Variants in MYO1F observed in about 807,000 individuals in gnomAD.
MYO1F encodes unconventional myosin-If.
In MYO1F, 60 loss-of-function variants were observed where a neutral mutation model predicts 146.6. The ratio of observed to expected loss-of-function variants is 0.41; its 90% CI spans 0.33 to 0.51. MYO1F has a LOEUF of 0.51. Ranked by LOEUF, MYO1F falls within the 20% of genes least tolerant of loss-of-function variation. MYO1F has a pLI of 0.25. For synonymous variants in MYO1F, 602 were observed against 602.1 expected, an observed-to-expected ratio of 1.00 and a Z score of 0.00; for missense variants, 1,274 against 1,534.3, an observed-to-expected ratio of 0.83 and a Z score of 2.83.
intron 1 of MYO1F, among the ~76,000 whole-genome samples, chr19:8,556,892 A>G (rs1973883553): frequency 8.1e-6 from 1 of 123,756 alleles, no homozygotes; most frequent in African/African-American, 6.0e-5. Flanking sequence ...TGTCTCAAAA[A>G]AAAAAAAAAA....
Position 8,543,735 on chromosome 19 carries a change from CTGGTGGTGCTGGTGGTGGTGG to C in MYO1F, c.1524+541_1524+561del, listed in dbSNP as rs1568348698. Among the ~76,000 whole-genome samples the C allele has an allele frequency of 5.3e-3, 59 of 11,206 alleles. 3 individuals carry two copies. The highest frequency in any genetic ancestry group is 5.4e-3 in the Non-Finnish European group (32 of 5,908). The allele number at this position is 11,206 out of a possible 152,430, so 7.4% of individuals were successfully genotyped here. On this transcript the variant is annotated intron_variant, in intron 14 of 27. Transcript: ENST00000644032. ...GGTGGTGGTGGTGGTGCTGGTGGTG[CTGGTGGTGCTGGTGGTGGTGG>C]TGGTGGTGGTGCTGGTGGTGCTGGT... is the stretch of plus-strand genomic sequence containing the variant.
At chr19:8,576,372 C>G (rs1454158875) in intron 1 of MYO1F, 1 of 152,392 alleles carries the variant, frequency 6.6e-6, no homozygotes, top group South Asian at 2.1e-4. Context: ...ATGTCCCTGA[C>G]TCCACCCTAG....
rs182006612 is a variant in MYO1F, at chr19:8,523,311, G to A, written c.2855-482C>T. Among the ~76,000 whole-genome samples, 37 of 152,184 alleles carry A rather than the reference G, an allele frequency of 2.4e-4. 1 individual carries two copies. Among genetic ancestry groups the A allele is most frequent in the South Asian group, 2.3e-3 (11 of 4,822 alleles). The stretch of plus-strand genomic sequence containing the variant: ...GCCTCCCAAAGTGCTGGGATTACAG[G>A]CATGAGCCACCGCGCCTGGCCAATT... On this transcript the variant is annotated intron_variant, in intron 25 of 27. Coordinates refer to ENST00000644032, the MANE Select transcript of MYO1F (RefSeq NM_012335.4).
At position 8,530,653 on chromosome 19, in the gene MYO1F, C is replaced by T. The variant is rs1490700144; in HGVS notation, c.2044-80G>A. 3.5e-6 allele frequency: 4 copies of T among 1,138,802 alleles called. No individual in the cohort carries two copies. In the African/African-American group the frequency reaches 4.5e-5, roughly 13 times the overall value. The allele number at this position is 1,138,802 out of a possible 1,614,324, so 70.5% of individuals were successfully genotyped here. A position where few individuals can be genotyped will look rare whatever the true frequency, so the allele number is the denominator to read the frequency against. ...CAGTTCCGGGTTTTCCCTGCGCTCA[C>T]CCTACTCACACGCTTTTGCTCACCC... On this transcript the variant is annotated intron_variant, in intron 19 of 27. Transcript: ENST00000644032. This position sits in a 1 kb window ranked among gnomAD's most constrained non-coding sequence, Gnocchi z 5.8.
chr19:8,535,564 C>G (rs768686699), intron 19 of MYO1F, among the ~76,000 whole-genome samples: 2 of 152,186 alleles, frequency 1.3e-5, no homozygotes, highest in Non-Finnish European at 2.9e-5. Context: ...GCTACCACAC[C>G]TGACTTGGTG....
Position 8,522,395 on chromosome 19 carries a change from T to C in MYO1F, c.3202A>G (p.Ile1068Val), listed in dbSNP as rs1431657549. ...DELSFNVNEV[I>V]EILMEDPSGW... ...CACACACCTTCCATGAGGATCTCAA[T>C]GACCTCGTTCACGTTGAAGCTCAGC... Residue 1068 changes from isoleucine (I) to valine (V), a missense_variant, in exon 27 of 28, where the codon ATT becomes GTT. Around this residue, in one of 2 missense-constraint regions of MYO1F, gnomAD observed 374 missense variants for 379.2 expected, o/e 0.99. Coordinates refer to ENST00000644032, the MANE Select transcript of MYO1F (RefSeq NM_012335.4). 3.1e-6 allele frequency: 5 copies of C among 1,614,024 alleles called. No individual in the cohort carries two copies. The African/African-American group carries it at 5.3e-5, about 17-fold the overall frequency.
chr19:8,545,608 G>T, intron 13 of MYO1F, 42 bp downstream of exon 13: 1 of 1,512,896 alleles, frequency 6.6e-7, no homozygotes, highest in Non-Finnish European at 9.2e-7. Flanking sequence ...TCAGCTCAGG[G>T]GACCAGTGAG....
chr19:8,521,914 G>A (rs1036467230), intron 27 of MYO1F, among the ~76,000 whole-genome samples: 16 of 151,828 alleles, frequency 1.1e-4, no homozygotes, highest in Non-Finnish European at 1.9e-4. Context: ...CTCAGCCACT[G>A]AAAGTGCTGG....
intron 1 of MYO1F, among the ~76,000 whole-genome samples, chr19:8,556,080 G>T (rs954770781): frequency 1.3e-5 from 2 of 151,332 alleles, no homozygotes; most frequent in Non-Finnish European, 2.9e-5. Flanking sequence ...TCAGGCTGGG[G>T]TGCAGTGGCG....
rs148328349 is a variant in MYO1F, at chr19:8,540,211, G to A, written c.1611-183C>T. On this transcript the variant is annotated intron_variant, in intron 15 of 27. Coordinates refer to ENST00000644032, the MANE Select transcript of MYO1F (RefSeq NM_012335.4). The stretch of plus-strand genomic sequence containing the variant: ...GGTTTGTTTTTTGAGGCAGGGCCTC[G>A]CTTTGTCCTCCAGGTTGGGGCGCAT... 185 of 549,570 alleles carry A rather than the reference G, an allele frequency of 3.4e-4. No homozygotes were observed. In the East Asian group the frequency reaches 4.1e-3, roughly 12 times the overall value. 34.0% of individuals were successfully genotyped at this position (549,570 alleles called of 1,614,324 possible).
intron 16 of MYO1F, 82 bp downstream of exon 16, chr19:8,539,865 A>G (rs1285634756): frequency 3.3e-6 from 4 of 1,225,542 alleles, no homozygotes; most frequent in Non-Finnish European, 4.8e-6. Context: ...CGTTGGAATG[A>G]GAGAAACAGA....
chr19:8,522,262 T>C, intron 27 of MYO1F, 115 bp downstream of exon 27: 1 of 1,309,536 alleles, frequency 7.6e-7, no homozygotes, highest in Non-Finnish European at 1.1e-6. Flanking sequence ...GACCTCGTGA[T>C]CTGCCCGCCT....
At chr19:8,552,479 C>G (rs189470739) in intron 6 of MYO1F, among the ~76,000 whole-genome samples, 32 of 152,152 alleles carry the variant, frequency 2.1e-4, no homozygotes, top group Admixed American at 5.9e-4. Context: ...GTTGGCCAGG[C>G]TGGTCTTGAA....
intron 1 of MYO1F, among the ~76,000 whole-genome samples, chr19:8,569,431 G>A (rs111515270): frequency 1.7e-3 from 265 of 152,182 alleles, no homozygotes; most frequent in Admixed American, 2.7e-3. Context: ...GGGCAGGCGG[G>A]GACAACCTTC....
At chr19:8,568,963 G>A (rs914372053) in intron 1 of MYO1F, among the ~76,000 whole-genome samples, 3 of 152,074 alleles carry the variant, frequency 2.0e-5, no homozygotes, top group African/African-American at 7.2e-5. Flanking sequence ...TGACCCTTGT[G>A]TGGGGTCTCT....
intron 1 of MYO1F, among the ~76,000 whole-genome samples, chr19:8,556,238 C>T (rs996466723): frequency 6.6e-6 from 1 of 151,212 alleles, no homozygotes; most frequent in Non-Finnish European, 1.5e-5. Flanking sequence ...CCATGTTGGC[C>T]AGGCTGGTCT....
intron 21 of MYO1F, among the ~76,000 whole-genome samples, chr19:8,528,256 C>T (rs1271089226): frequency 6.6e-6 from 1 of 150,976 alleles, no homozygotes; most frequent in Non-Finnish European, 1.5e-5. Context: ...AGATCAGGCG[C>T]GGTGGCACAC....
chr19:8,558,820 G>C (rs1973959221), intron 1 of MYO1F, among the ~76,000 whole-genome samples: 1 of 152,068 alleles, frequency 6.6e-6, no homozygotes, highest in Admixed American at 6.6e-5. Context: ...CAAAGGTAAA[G>C]AAAGAAACCC....
intron 19 of MYO1F, 33 bp downstream of exon 19, chr19:8,536,219 C>G (rs1213389502): frequency 1.2e-6 from 2 of 1,600,642 alleles, no homozygotes; most frequent in South Asian, 2.2e-5. Context: ...CTCTTCCCCT[C>G]TCCTTCTCTG....
Sources: allele counts gnomAD v4.1 joint callset (sites outside exome capture counted in the v4.1 genomes callset), GRCh38; gene constraint gnomAD v4.1.1; regional missense constraint gnomAD v4.1.1; non-coding constraint Gnocchi (gnomAD v3.1); transcripts MANE v1.5; gene names NCBI Gene and HGNC (gene_info 2026-07-23, HGNC 2026-07-21).